The following OSBPL10 variants were observed in gnomAD, a reference collection of about 807,000 sequenced individuals.
OSBPL10 encodes the protein oxysterol-binding protein-related protein 10.
Under a neutral mutation model 81.7 loss-of-function variants are expected in OSBPL10, and 49 were observed. That is an observed-to-expected ratio of 0.60 (90% CI 0.48 to 0.76). The LOEUF is 0.76. Ranked by LOEUF, OSBPL10 falls within the 30% of genes least tolerant of loss-of-function variation. The pLI is 0.00. For missense variants in OSBPL10, 923 were observed against 987.8 expected (o/e 0.93, Z 0.88); for synonymous variants, 419 against 383.6 (o/e 1.09, Z -1.08).
chr3:31,981,679 C>T (rs1698848129), upstream of OSBPL10: 1 of 153,158 alleles, frequency 6.5e-6, no homozygotes, highest in Non-Finnish European at 1.5e-5. The surrounding 1 kb of genome is among the most constrained non-coding windows in gnomAD (Gnocchi z 4.5). Context: ...ACCTCGGGAC[C>T]TGGAGGGAGG....
intron 1 of OSBPL10, among the ~76,000 whole-genome samples, chr3:31,963,816 C>A (rs1698236868): frequency 6.6e-6 from 1 of 151,984 alleles, no homozygotes; most frequent in African/African-American, 2.4e-5. Flanking sequence ...TCAGCAGCAT[C>A]ACCTTCCACA....
At chr3:31,848,345 C>A (rs1035795694) in intron 3 of OSBPL10, among the ~76,000 whole-genome samples, 8 of 151,708 alleles carry the variant, frequency 5.3e-5, no homozygotes, top group East Asian at 2.0e-4. Flanking sequence ...ACAAGCCCCC[C>A]CCAGTTAGTT....
intron 2 of OSBPL10, among the ~76,000 whole-genome samples, chr3:31,997,389 C>T (rs944146941): frequency 7.3e-5 from 11 of 151,694 alleles, no homozygotes; most frequent in African/African-American, 2.4e-4. Context: ...CTCAGCCTCC[C>T]AAGTCACTGG....
rs181345317 is a variant in OSBPL10 at position 31,920,542 on chromosome 3, A to G, written c.282-40712T>C. ...GCTTCCCATGGGGATGCAGGTTACC[A>G]ATGCTGCTACTGCTACACATGTGTA... On this transcript the variant is annotated intron_variant, in intron 1 of 11. Transcript: ENST00000396556. 4.7e-3 allele frequency among the ~76,000 whole-genome samples: 711 copies of G among 152,326 alleles called. 5 individuals are homozygous for G. The highest frequency in any genetic ancestry group is 8.1e-3 in the Non-Finnish European group (552 of 68,040).
rs1205551551 is a variant in OSBPL10 at position 31,728,399 on chromosome 3, G to A, written c.1095+4858C>T. Reference sequence around the variant, plus strand: ...ATAGTCCTGATTGTCCTAAGGCCAGGGGTAGGTATCTGGCACCAGATATTT... The same window carrying A: ...ATAGTCCTGATTGTCCTAAGGCCAGAGGTAGGTATCTGGCACCAGATATTT... On this transcript the variant is annotated intron_variant, in intron 6 of 11. Transcript: ENST00000396556. Among the ~76,000 whole-genome samples the A allele has an allele frequency of 2.6e-5, 4 of 152,242 alleles. No homozygotes were observed. In the East Asian group the frequency reaches 5.8e-4, roughly 22 times the overall value.
At chr3:31,861,166 G>A (rs143520518) in intron 3 of OSBPL10, among the ~76,000 whole-genome samples, 1 of 151,996 alleles carries the variant, frequency 6.6e-6, no homozygotes, top group Non-Finnish European at 1.5e-5. Flanking sequence ...GTTTATTTTT[G>A]ATTTTCATTG....
rs972581556 is a variant in OSBPL10, at chr3:31,662,018, T to A, written c.*54A>T. 1 of 1,603,390 alleles carries A rather than the reference T, an allele frequency of 6.2e-7. No homozygotes were observed. The highest frequency in any genetic ancestry group is 1.3e-5 in the African/African-American group (1 of 74,446). ...AACAAAACCCTGATACTCTACTACT[T>A]TAATATTCCTACAAAAACAGGGCTA... is the stretch of plus-strand genomic sequence containing the variant. On this transcript the variant is annotated 3_prime_UTR_variant, in exon 12 of 12. Transcript: ENST00000396556.
rs1237924915 is a variant in OSBPL10 at position 31,664,199 on chromosome 3, C to T, written c.2130G>A (p.Arg710=). The change falls in exon 11 of 12, where the codon CGG becomes CGA. Residue 710 remains arginine (R), a synonymous_variant. Transcript: ENST00000396556. ...CGGTGGCTGCGTCAATGTCCCCCAG[C>T]CGCAGGTATCGGGTCACCTCCCGCC... ...NLWREVTRYL[R]LGDIDAATEQ... 1 of 1,612,922 alleles carries T rather than the reference C, an allele frequency of 6.2e-7. No homozygotes were observed. The highest frequency in any genetic ancestry group is 8.5e-7 in the Non-Finnish European group (1 of 1,180,030).
intron 3 of OSBPL10, among the ~76,000 whole-genome samples, chr3:31,848,303 C>CCTAGAAATT (rs1374149573): frequency 3.4e-4 from 51 of 151,620 alleles, no homozygotes; most frequent in Admixed American, 3.4e-3. Flanking sequence ...CTCTGCTTGT[C>CCTAGAAATT]CTAGAAGAAT....
At chr3:31,703,848 G>A (rs1470272494) in intron 6 of OSBPL10, 5 of 152,156 alleles carry the variant, frequency 3.3e-5, no homozygotes, top group African/African-American at 1.2e-4. Flanking sequence ...CTTTTATTAT[G>A]TGCCCAGTTC....
chr3:31,728,625 A>C (rs1696879771), intron 6 of OSBPL10, among the ~76,000 whole-genome samples: 1 of 152,218 alleles, frequency 6.6e-6, no homozygotes, highest in Non-Finnish European at 1.5e-5. Flanking sequence ...ATGAATCTCA[A>C]ATGCATTATG....
At chr3:31,745,999 T>C (rs1697509454) in intron 5 of OSBPL10, among the ~76,000 whole-genome samples, 1 of 152,178 alleles carries the variant, frequency 6.6e-6, no homozygotes, top group Non-Finnish European at 1.5e-5. Flanking sequence ...AAGTGACCCC[T>C]GGGCAACAAA....
Position 31,958,972 on chromosome 3 carries a change from C to T in OSBPL10, c.281+21927G>A, listed in dbSNP as rs143114431. Among the ~76,000 whole-genome samples, 292 of 152,266 alleles carry T rather than the reference C, an allele frequency of 1.9e-3. 1 individual carries two copies. The highest frequency in any genetic ancestry group is 3.5e-3 in the Non-Finnish European group (238 of 68,028). ...AGCACATGGGAAACTCATTAATGCA[C>T]CATGGAAGAGACTCCCAAAGGTCAA... is the stretch of plus-strand genomic sequence containing the variant. On this transcript the variant is annotated intron_variant, in intron 1 of 11. Transcript: ENST00000396556.
intron 2 of OSBPL10, among the ~76,000 whole-genome samples, chr3:32,039,006 T>C (rs574834317): frequency 1.3e-5 from 2 of 151,996 alleles, no homozygotes; most frequent in South Asian, 4.2e-4. Context: ...AAAGGAATAA[T>C]AAAAACTTAG....
chr3:31,811,068 G>A (rs780065524), intron 4 of OSBPL10, among the ~76,000 whole-genome samples: 2 of 152,208 alleles, frequency 1.3e-5, no homozygotes, highest in South Asian at 4.2e-4. Context: ...CTCACTGTGA[G>A]CCTATAAGCA....
intron 3 of OSBPL10, among the ~76,000 whole-genome samples, chr3:31,864,823 A>G (rs887713823): frequency 2.0e-5 from 3 of 152,212 alleles, no homozygotes; most frequent in South Asian, 4.1e-4. Context: ...AGGGACAGGC[A>G]TAACTAGCAG....
intron 2 of OSBPL10, among the ~76,000 whole-genome samples, chr3:32,005,969 G>A (rs530519639): frequency 6.6e-6 from 1 of 151,452 alleles, no homozygotes; most frequent in African/African-American, 2.4e-5. Context: ...TTTTGAGACA[G>A]AGTCTTGCTC....
intron 3 of OSBPL10, among the ~76,000 whole-genome samples, chr3:31,834,400 A>T: frequency 6.6e-6 from 1 of 152,288 alleles, no homozygotes; most frequent in South Asian, 2.1e-4. Context: ...ATCAGTGTTC[A>T]TCTGGCTACT....
chr3:31,930,648 C>A (rs1266415949), intron 1 of OSBPL10, among the ~76,000 whole-genome samples: 2 of 152,062 alleles, frequency 1.3e-5, no homozygotes, highest in East Asian at 1.9e-4. Flanking sequence ...AGTTAGGAAG[C>A]CTTTTATCTC....
Sources: allele counts gnomAD v4.1 joint callset (sites outside exome capture counted in the v4.1 genomes callset), GRCh38; gene constraint gnomAD v4.1.1; non-coding constraint Gnocchi (gnomAD v3.1); transcripts MANE v1.5; gene names NCBI Gene and HGNC (gene_info 2026-07-23, HGNC 2026-07-21).